The following EPHA3 variants were observed in gnomAD, a reference collection of about 807,000 sequenced individuals.
EPHA3 encodes the protein EPH receptor A3.
Under a neutral mutation model 107.1 loss-of-function variants are expected in EPHA3, and 42 were observed. The ratio of observed to expected loss-of-function variants is 0.39; its 90% CI spans 0.31 to 0.51. EPHA3 has a LOEUF of 0.51. Among genes scored for constraint, EPHA3 ranks in the 20% least tolerant of loss-of-function variants. The pLI, the probability that EPHA3 is intolerant of heterozygous loss-of-function variation, is 0.78. For synonymous variants in EPHA3, 461 were observed against 424.8 expected (o/e 1.09, Z -1.05); for missense variants, 1,183 against 1,211.2 (o/e 0.98, Z 0.35).
chr3:89,214,263 C>G (rs1704173935), intron 3 of EPHA3, among the ~76,000 whole-genome samples: 1 of 151,984 alleles, frequency 6.6e-6, no homozygotes, highest in African/African-American at 2.4e-5. Flanking sequence ...TTAGTTTCTT[C>G]ATCCACAAAA....
At chr3:89,243,509 T>G (rs987770138) in intron 3 of EPHA3, among the ~76,000 whole-genome samples, 4 of 152,224 alleles carry the variant, frequency 2.6e-5, no homozygotes. Flanking sequence ...TGGCCAGTGA[T>G]GATGAGCATT....
chr3:89,475,370 T>C (rs1367405067), intron 16 of EPHA3, among the ~76,000 whole-genome samples: 1 of 152,136 alleles, frequency 6.6e-6, no homozygotes, highest in African/African-American at 2.4e-5. Context: ...CCTCCTAGAA[T>C]AGAAAAAGAT....
intron 2 of EPHA3, among the ~76,000 whole-genome samples, chr3:89,197,615 T>C (rs1002390110): frequency 9.2e-5 from 14 of 152,170 alleles, no homozygotes; most frequent in Non-Finnish European, 1.9e-4. Context: ...GGAATACTAT[T>C]GGCAAAGATT....
At position 89,337,367 on chromosome 3, in the gene EPHA3, C is replaced by T. The variant is rs549593069; in HGVS notation, c.815-3549C>T. 2.3e-4 allele frequency among the ~76,000 whole-genome samples: 35 copies of T among 152,274 alleles called. No homozygotes were observed. In the South Asian group the frequency reaches 3.9e-3, roughly 17 times the overall value. ...GAATTTCTTTGTTATCTTGGGCATG[C>T]TGTCCTTTCCATTGGTGCTTCAATT... On this transcript the variant is annotated intron_variant, in intron 3 of 16. Coordinates refer to ENST00000336596, the MANE Select transcript of EPHA3 (RefSeq NM_005233.6).
intron 2 of EPHA3, among the ~76,000 whole-genome samples, chr3:89,160,887 A>G (rs1704921703): frequency 6.6e-6 from 1 of 152,036 alleles, no homozygotes; most frequent in African/African-American, 2.4e-5. Flanking sequence ...TGGTTCTCCA[A>G]TTTTTTGGTC....
At chr3:89,425,399 T>G (rs1576371396) in intron 11 of EPHA3, among the ~76,000 whole-genome samples, 1 of 130,328 alleles carries the variant, frequency 7.7e-6, no homozygotes, top group East Asian at 2.0e-4. Flanking sequence ...ACTTTCCATC[T>G]CCCGTTTTTT....
At chr3:89,413,444 C>G (rs867585015) in intron 10 of EPHA3, among the ~76,000 whole-genome samples, 178 bp downstream of exon 10, 1 of 151,850 alleles carries the variant, frequency 6.6e-6, no homozygotes, top group Middle Eastern at 3.4e-3. Context: ...GCCAGACTTA[C>G]CGGCTCACAG....
intron 2 of EPHA3, among the ~76,000 whole-genome samples, chr3:89,178,903 A>T (rs890636316): frequency 2.6e-5 from 4 of 151,844 alleles, no homozygotes; most frequent in Non-Finnish European, 5.9e-5. Flanking sequence ...TATTGCTTTT[A>T]TCCATTGTGT....
chr3:89,332,531 C>T lies in EPHA3; in HGVS notation c.815-8385C>T, dbSNP rs138177900. Among the ~76,000 whole-genome samples the T allele has an allele frequency of 8.0e-3, 1,222 of 152,310 alleles. 17 individuals carry two copies. Among genetic ancestry groups the T allele is most frequent in the African/African-American group, 0.028 (1,145 of 41,574 alleles). On this transcript the variant is annotated intron_variant, in intron 3 of 16. Transcript: ENST00000336596. ...GCACATTGCAGGCAGAGTTTAATGA[C>T]TGAACGTAGCCACTTCCAGTGTATT...
chr3:89,475,695 G>T (rs1406570287), intron 16 of EPHA3, among the ~76,000 whole-genome samples: 1 of 152,204 alleles, frequency 6.6e-6, no homozygotes, highest in Non-Finnish European at 1.5e-5. Flanking sequence ...ATATTAAGCA[G>T]ATTCATTGCC....
rs569428847 is a variant in EPHA3, at chr3:89,233,607, G to A, written c.814+23087G>A. ...TTGCTGTTGGTTTGAAGACTGCAAG[G>A]GGAGAGTGAAAATTATATCGGTTCC... is the stretch of plus-strand genomic sequence containing the variant. On this transcript the variant is annotated intron_variant, in intron 3 of 16. Transcript: ENST00000336596. Among the ~76,000 whole-genome samples the A allele has an allele frequency of 4.6e-5, 7 of 152,292 alleles. No homozygotes were observed. The East Asian group carries it at 1.4e-3, about 29-fold the overall frequency.
At chr3:89,286,317 G>A (rs1706082365) in intron 3 of EPHA3, among the ~76,000 whole-genome samples, 1 of 151,798 alleles carries the variant, frequency 6.6e-6, no homozygotes, top group Non-Finnish European at 1.5e-5. Context: ...GAAGTACATG[G>A]TGAGACTTCT....
At chr3:89,235,180 C>A (rs1483348552) in intron 3 of EPHA3, among the ~76,000 whole-genome samples, 4 of 151,862 alleles carry the variant, frequency 2.6e-5, no homozygotes, top group Non-Finnish European at 5.9e-5. Flanking sequence ...CCTCGACGTC[C>A]CAAAGTGCTG....
At chr3:89,380,860 C>G (rs1708489346) in intron 5 of EPHA3, among the ~76,000 whole-genome samples, 1 of 151,770 alleles carries the variant, frequency 6.6e-6, no homozygotes, top group South Asian at 2.1e-4. Context: ...CCTCCGCCTC[C>G]TGGGTTCAAG....
chr3:89,444,864 T>C (rs1709851057), intron 13 of EPHA3, among the ~76,000 whole-genome samples: 1 of 152,174 alleles, frequency 6.6e-6, no homozygotes, highest in Non-Finnish European at 1.5e-5. Flanking sequence ...ATTTCATTAT[T>C]GGAGCTAAAC....
At chr3:89,121,247 T>A (rs1576163573) in intron 1 of EPHA3, among the ~76,000 whole-genome samples, 4 of 151,218 alleles carry the variant, frequency 2.6e-5, no homozygotes, top group African/African-American at 9.7e-5. Context: ...AAAAAATAAA[T>A]AAATAAATAA....
At chr3:89,202,026 T>A (rs1051128176) in intron 2 of EPHA3, among the ~76,000 whole-genome samples, 1 of 152,138 alleles carries the variant, frequency 6.6e-6, no homozygotes, top group African/African-American at 2.4e-5. Flanking sequence ...AATTTTCACT[T>A]ACAGAAGTTC....
At chr3:89,136,330 C>A (rs895274717) in intron 2 of EPHA3, among the ~76,000 whole-genome samples, 1 of 23,370 alleles carries the variant, frequency 4.3e-5, no homozygotes, top group African/African-American at 1.7e-4. Flanking sequence ...ATCTTACAGG[C>A]TTTTTTTTTT....
chr3:89,392,489 G>A (rs1382681050), intron 5 of EPHA3, among the ~76,000 whole-genome samples: 1 of 150,210 alleles, frequency 6.7e-6, no homozygotes, highest in African/African-American at 2.4e-5. Context: ...TGCGATTTTA[G>A]CATCTATACC....
Sources: gnomAD v4.1 joint callset for allele counts (sites outside exome capture counted in the v4.1 genomes callset) on GRCh38, gnomAD v4.1.1 for gene constraint, MANE v1.5 for transcripts, NCBI Gene and HGNC (gene_info 2026-07-23, HGNC 2026-07-21) for gene names.